Variants in TMEFF2 observed in about 807,000 individuals in gnomAD.
TMEFF2 encodes tomoregulin-2.
Under a neutral mutation model 53.8 loss-of-function variants are expected in TMEFF2, and 28 were observed. That is an observed-to-expected ratio of 0.52 (90% CI 0.39 to 0.71). TMEFF2 has a LOEUF of 0.71. TMEFF2 is among the 30% of genes least tolerant of loss of function. The pLI is 0.00. For missense variants in TMEFF2, 353 were observed against 455.2 expected, an observed-to-expected ratio of 0.78 and a Z score of 2.04; for synonymous variants, 162 against 166.3, an observed-to-expected ratio of 0.97 and a Z score of 0.20.
At chr2:192,178,516 G>A (rs1182452817) in intron 4 of TMEFF2, 2 of 43,238 alleles carry the variant, frequency 4.6e-5, no homozygotes, top group Non-Finnish European at 1.1e-4. Flanking sequence ...TTCAGTTTTA[G>A]TCTTTAGGAA....
rs192928707 is a variant in TMEFF2, at chr2:192,106,552, T to C, written c.440-48777A>G. Among the ~76,000 whole-genome samples, 40 of 151,930 alleles carry C rather than the reference T, an allele frequency of 2.6e-4. No individual in the cohort carries two copies. In the East Asian group the frequency reaches 7.5e-3, roughly 29 times the overall value. ...AAAAGATGTCCGTGATTTACCCATGTGTTAATTATTTTCTTTAATGAATAA... is the reference window on the plus strand; with the variant it reads ...AAAAGATGTCCGTGATTTACCCATGCGTTAATTATTTTCTTTAATGAATAA... On this transcript the variant is annotated intron_variant, in intron 4 of 9. Coordinates refer to ENST00000272771, the MANE Select transcript of TMEFF2 (RefSeq NM_016192.4).
At chr2:191,993,487 A>G (rs1336582015) in intron 7 of TMEFF2, among the ~76,000 whole-genome samples, 1 of 152,056 alleles carries the variant, frequency 6.6e-6, no homozygotes, top group Non-Finnish European at 1.5e-5. Context: ...CTCCGAGGAC[A>G]TGAAATCCAG....
chr2:192,068,579 GT>G (rs1688217698), intron 4 of TMEFF2, among the ~76,000 whole-genome samples: 2 of 151,786 alleles, frequency 1.3e-5, no homozygotes, highest in African/African-American at 4.8e-5. Context: ...CAGCCTCTTT[GT>G]TTTAGTGCAC....
intron 5 of TMEFF2, among the ~76,000 whole-genome samples, chr2:192,022,910 A>G (rs1344229279): frequency 1.3e-5 from 2 of 152,172 alleles, no homozygotes; most frequent in Non-Finnish European, 2.9e-5. Context: ...AAGCTTATGA[A>G]GTAAGTATCT....
At chr2:192,160,757 G>A (rs371106006) in intron 4 of TMEFF2, among the ~76,000 whole-genome samples, 1 of 152,200 alleles carries the variant, frequency 6.6e-6, no homozygotes, top group East Asian at 1.9e-4. Flanking sequence ...TAAGATAAAT[G>A]GAAAAGGATG....
At chr2:192,144,967 G>C (rs1416582700) in intron 4 of TMEFF2, among the ~76,000 whole-genome samples, 1 of 151,882 alleles carries the variant, frequency 6.6e-6, no homozygotes, top group African/African-American at 2.4e-5. Flanking sequence ...AGATTTTTGA[G>C]TAAACATTAT....
rs758681010 is a variant in TMEFF2, at chr2:191,999,139, A to G, written c.606T>C (p.Tyr202=). ...CTTCTTTGATTTGGCATGCATTATCATAAGATTTCCCATCAGAAGCGCAGA... is the reference window on the plus strand; with the variant it reads ...CTTCTTTGATTTGGCATGCATTATCGTAAGATTTCCCATCAGAAGCGCAGA... ...NPLCASDGKS[Y]DNACQIKEAS... Residue 202 remains tyrosine (Y), a synonymous_variant, in exon 6 of 10, where the codon TAT becomes TAC. Coordinates refer to ENST00000272771, the MANE Select transcript of TMEFF2 (RefSeq NM_016192.4). The G allele has an allele frequency of 4.3e-6, 7 of 1,612,518 alleles. No individual in the cohort carries two copies. In the African/African-American group the frequency reaches 5.3e-5, roughly 12 times the overall value.
In TMEFF2 at chr2:192,142,368, A is replaced by AT. The variant is rs1000353049; in HGVS notation, c.439+37299dup. On this transcript the variant is annotated intron_variant, in intron 4 of 9. Transcript: ENST00000272771. ...ATTTTTCAACATTGAAGATGACACCATTTTTTTTTCTTATTCTAAACCCAT... is the reference window on the plus strand; with the variant it reads ...ATTTTTCAACATTGAAGATGACACCATTTTTTTTTTCTTATTCTAAACCCAT... 3.8e-3 allele frequency among the ~76,000 whole-genome samples: 567 copies of AT among 151,026 alleles called. 7 individuals are homozygous for AT. Among genetic ancestry groups the AT allele is most frequent in the African/African-American group, 0.013 (544 of 41,190 alleles).
intron 3 of TMEFF2, among the ~76,000 whole-genome samples, chr2:192,180,796 C>T (rs1691167707): frequency 6.6e-6 from 1 of 151,696 alleles, no homozygotes; most frequent in African/African-American, 2.4e-5. Context: ...AGAAGGAAGG[C>T]CTTCCCAGCA....
intron 4 of TMEFF2, among the ~76,000 whole-genome samples, chr2:192,126,164 AAAT>A (rs1387717709): frequency 6.6e-6 from 1 of 152,250 alleles, no homozygotes; most frequent in African/African-American, 2.4e-5. Context: ...CCAGTGGTAA[AAAT>A]AATACGCACC....
intron 4 of TMEFF2, among the ~76,000 whole-genome samples, chr2:192,142,586 T>C (rs575137011): frequency 3.9e-5 from 6 of 152,140 alleles, no homozygotes; most frequent in Non-Finnish European, 4.4e-5. Flanking sequence ...TTATGAATTA[T>C]GGAAGGCTGG....
chr2:191,949,913 G>C lies in TMEFF2; in HGVS notation c.*398C>G. The C allele has an allele frequency of 1.0e-6, 1 of 998,026 alleles. No individual in the cohort carries two copies. The highest frequency in any genetic ancestry group is 1.7e-5 in the African/African-American group (1 of 57,474). The allele number at this position is 998,026 out of a possible 1,614,324, so 61.8% of individuals were successfully genotyped here. A position where few individuals can be genotyped will look rare whatever the true frequency, so the allele number is the denominator to read the frequency against. On this transcript the variant is annotated 3_prime_UTR_variant, in exon 10 of 10. Transcript: ENST00000272771. The stretch of plus-strand genomic sequence containing the variant: ...CACTGAGTCCTGTACGAACTAATGT[G>C]CTGTCTCAAGATGAGAAGAAACATG...
At chr2:192,191,173 G>C (rs1456727824) in intron 2 of TMEFF2, among the ~76,000 whole-genome samples, 1 of 152,078 alleles carries the variant, frequency 6.6e-6, no homozygotes, top group Non-Finnish European at 1.5e-5. Flanking sequence ...ATCTTTAATA[G>C]ATACTAATAA....
At chr2:191,985,259 T>A (rs1029330848) in intron 7 of TMEFF2, among the ~76,000 whole-genome samples, 4 of 152,154 alleles carry the variant, frequency 2.6e-5, no homozygotes, top group African/African-American at 9.6e-5. Flanking sequence ...TTATATAACA[T>A]TTATAAATTT....
At chr2:192,094,819 ACTTT>A (rs1688867198) in intron 4 of TMEFF2, among the ~76,000 whole-genome samples, 1 of 152,154 alleles carries the variant, frequency 6.6e-6, no homozygotes, top group Admixed American at 6.5e-5. Context: ...GAATTATTAC[ACTTT>A]CTTTTTCTTG....
intron 4 of TMEFF2, among the ~76,000 whole-genome samples, chr2:192,102,626 C>CTTTTTTTTTTTTTTTTTTT (rs10635775): frequency 9.1e-6 from 1 of 109,844 alleles, no homozygotes; most frequent in Non-Finnish European, 1.7e-5. Context: ...TTTTCTTGTT[C>CTTTTTTTTTTTTTTTTTTT]TTTTTTTTTT....
chr2:192,031,042 C>G (rs1005435515), intron 5 of TMEFF2, among the ~76,000 whole-genome samples: 1 of 152,120 alleles, frequency 6.6e-6, no homozygotes, highest in African/African-American at 2.4e-5. Context: ...CAGAAATGAT[C>G]TGATAGTCAT....
At chr2:192,186,693 C>T (rs1315801629) in intron 2 of TMEFF2, among the ~76,000 whole-genome samples, 1 of 152,104 alleles carries the variant, frequency 6.6e-6, no homozygotes, top group Non-Finnish European at 1.5e-5. Flanking sequence ...CCCCGGGCTA[C>T]CTTTCAATCT....
chr2:192,089,272 C>T (rs1574362399), intron 4 of TMEFF2, among the ~76,000 whole-genome samples: 1 of 150,524 alleles, frequency 6.6e-6, no homozygotes, highest in Non-Finnish European at 1.5e-5. Context: ...CCCACCCAAG[C>T]ATCCTCCTAC....
Sources: allele counts gnomAD v4.1 joint callset (sites outside exome capture counted in the v4.1 genomes callset), GRCh38; gene constraint gnomAD v4.1.1; transcripts MANE v1.5; gene names NCBI Gene and HGNC (gene_info 2026-07-23, HGNC 2026-07-21).